Variants in BCKDHB observed in about 807,000 individuals in gnomAD.
BCKDHB encodes the protein 2-oxoisovalerate dehydrogenase subunit beta, mitochondrial.
A neutral mutation model predicts 48.5 loss-of-function variants in BCKDHB; 41 were observed. That is an observed-to-expected ratio of 0.85 (90% CI 0.66 to 1.10). The LOEUF (loss-of-function observed/expected upper bound fraction) is 1.10. Ranked by LOEUF, BCKDHB falls within the 50% of genes least tolerant of loss-of-function variation. BCKDHB has a pLI of 0.00. For missense variants in BCKDHB, 496 were observed against 494.2 expected, an observed-to-expected ratio of 1.00 and a Z score of -0.03; for synonymous variants, 201 against 174.8, an observed-to-expected ratio of 1.15 and a Z score of -1.18.
At chr6:80,203,481 T>TTG (rs1346387069) in intron 8 of BCKDHB, among the ~76,000 whole-genome samples, 2 of 152,102 alleles carry the variant, frequency 1.3e-5, no homozygotes, top group Non-Finnish European at 2.9e-5. Flanking sequence ...TTGGGTTGAA[T>TTG]TGTGTGAGTC....
the BCKDHB span, among the ~76,000 whole-genome samples, chr6:80,413,294 A>G: frequency 6.6e-6 from 1 of 152,094 alleles, no homozygotes; most frequent in Admixed American, 6.6e-5. Context: ...TTCCACTCTC[A>G]ACATCTTTTT....
intron 9 of BCKDHB, among the ~76,000 whole-genome samples, chr6:80,322,896 C>CTTTTT (rs34177726): frequency 5.2e-5 from 6 of 115,566 alleles, no homozygotes; most frequent in East Asian, 2.5e-4. Flanking sequence ...TTTCTTTTTT[C>CTTTTT]TTTTTTTTTT....
At chr6:80,291,187 C>CT (rs1766892832) in intron 9 of BCKDHB, among the ~76,000 whole-genome samples, 1 of 152,146 alleles carries the variant, frequency 6.6e-6, no homozygotes, top group Non-Finnish European at 1.5e-5. Flanking sequence ...GTTCAAACGC[C>CT]TTTGACATTT....
intron 8 of BCKDHB, among the ~76,000 whole-genome samples, chr6:80,204,595 T>C (rs987640548): frequency 2.0e-5 from 3 of 152,054 alleles, no homozygotes; most frequent in Non-Finnish European, 4.4e-5. Flanking sequence ...TGATGTTTTA[T>C]GATGGCGCAG....
chr6:80,417,334 T>C, the BCKDHB span, among the ~76,000 whole-genome samples: 2 of 152,170 alleles, frequency 1.3e-5, no homozygotes, highest in Non-Finnish European at 2.9e-5. Flanking sequence ...TTGGGAAATT[T>C]AGCCCATTTA....
intron 9 of BCKDHB, among the ~76,000 whole-genome samples, chr6:80,295,969 T>C (rs560320599): frequency 4.8e-4 from 73 of 152,338 alleles, no homozygotes; most frequent in Admixed American, 1.3e-3. Context: ...TACTCAATTG[T>C]TAAAAGCTAT....
At chr6:80,291,155 T>C (rs577660287) in intron 9 of BCKDHB, among the ~76,000 whole-genome samples, 1 of 152,348 alleles carries the variant, frequency 6.6e-6, no homozygotes, top group Non-Finnish European at 1.5e-5. Flanking sequence ...ACCCAGCCTT[T>C]ATTCAAGATG....
At chr6:80,332,217 C>G (rs948217955) in intron 9 of BCKDHB, among the ~76,000 whole-genome samples, 7 of 152,072 alleles carry the variant, frequency 4.6e-5, no homozygotes, top group African/African-American at 1.4e-4. Flanking sequence ...CACCCCAGTG[C>G]CAGCCGTGAG....
At chr6:80,334,262 G>A (rs890432959) in intron 9 of BCKDHB, among the ~76,000 whole-genome samples, 7 of 152,032 alleles carry the variant, frequency 4.6e-5, no homozygotes, top group Non-Finnish European at 8.8e-5. Context: ...TGCTAGATGT[G>A]TTTTAATGAA....
chr6:80,344,846 G>A lies in BCKDHB; in HGVS notation c.*1042G>A, dbSNP rs1288822594. On this transcript the variant is annotated 3_prime_UTR_variant, in exon 10 of 10. Coordinates refer to ENST00000320393, the MANE Select transcript of BCKDHB (RefSeq NM_183050.4). ...GGCGTACTTTCTGTATTTAAAAATG[G>A]CCCCTCAAGCACCGTTAATTTACAT... The A allele has an allele frequency of 6.6e-6, 1 of 151,946 alleles. No individual in the cohort carries two copies. The highest frequency in any genetic ancestry group is 2.4e-5 in the African/African-American group (1 of 41,344). The allele number at this position is 151,946 out of a possible 1,614,324, so 9.4% of individuals were successfully genotyped here. A position where few individuals can be genotyped will look rare whatever the true frequency, so the allele number is the denominator to read the frequency against.
chr6:80,179,650 A>G (rs1773321518), intron 6 of BCKDHB, among the ~76,000 whole-genome samples: 1 of 152,164 alleles, frequency 6.6e-6, no homozygotes, highest in Non-Finnish European at 1.5e-5. Flanking sequence ...GCCATGACTT[A>G]AGGTAGTACA....
chr6:80,217,101 G>A (rs1285761211), intron 8 of BCKDHB, among the ~76,000 whole-genome samples: 1 of 152,054 alleles, frequency 6.6e-6, no homozygotes, highest in African/African-American at 2.4e-5. Flanking sequence ...AAATTGCTGG[G>A]CATGGTGGCT....
the BCKDHB span, among the ~76,000 whole-genome samples, chr6:80,399,747 T>A: frequency 6.6e-6 from 1 of 152,088 alleles, no homozygotes; most frequent in Non-Finnish European, 1.5e-5. Context: ...AAAAACTATT[T>A]TAAAATTCTT....
the BCKDHB span, among the ~76,000 whole-genome samples, chr6:80,415,452 C>T: frequency 6.6e-6 from 1 of 151,994 alleles, no homozygotes; most frequent in Non-Finnish European, 1.5e-5. Flanking sequence ...TTGTTAAATA[C>T]CTAATAAATT....
At chr6:80,206,199 A>G (rs750478906) in intron 8 of BCKDHB, among the ~76,000 whole-genome samples, 19 of 152,072 alleles carry the variant, frequency 1.2e-4, no homozygotes, top group Non-Finnish European at 1.2e-4. Flanking sequence ...TTAGAGGCAA[A>G]CCAGATGTAG....
chr6:80,170,405 A>G (rs1772849684), intron 5 of BCKDHB, among the ~76,000 whole-genome samples: 1 of 152,220 alleles, frequency 6.6e-6, no homozygotes, highest in African/African-American at 2.4e-5. Context: ...ATTTAAAATT[A>G]GACAAAGTTT....
chr6:80,214,477 A>G (rs1373037721), intron 8 of BCKDHB, among the ~76,000 whole-genome samples: 1 of 152,222 alleles, frequency 6.6e-6, no homozygotes, highest in Non-Finnish European at 1.5e-5. Context: ...GTGACTGAAT[A>G]CTAGCTATTT....
At chr6:80,221,854 G>A (rs546508850) in intron 8 of BCKDHB, among the ~76,000 whole-genome samples, 5 of 152,162 alleles carry the variant, frequency 3.3e-5, no homozygotes, top group Non-Finnish European at 7.4e-5. Context: ...GCCAAATACC[G>A]AGTATCTTAT....
intron 9 of BCKDHB, among the ~76,000 whole-genome samples, chr6:80,304,588 C>T (rs1295593758): frequency 6.6e-6 from 1 of 151,992 alleles, no homozygotes; most frequent in African/African-American, 2.4e-5. Context: ...AAACCTAGCC[C>T]ATCTCATTTT....
Sources: gnomAD v4.1 joint callset for allele counts (sites outside exome capture counted in the v4.1 genomes callset) on GRCh38, gnomAD v4.1.1 for gene constraint, MANE v1.5 for transcripts, NCBI Gene and HGNC (gene_info 2026-07-23, HGNC 2026-07-21) for gene names.